The following ADAMTS18 variants were observed in gnomAD, a reference collection of about 807,000 sequenced individuals.
ADAMTS18 encodes A disintegrin and metalloproteinase with thrombospondin motifs 18.
Under a neutral mutation model 165.9 loss-of-function variants are expected in ADAMTS18, and 157 were observed. The observed-to-expected ratio is 0.95, with a 90% CI of 0.83 to 1.08. The LOEUF (loss-of-function observed/expected upper bound fraction) is 1.08. Among genes scored for constraint, ADAMTS18 ranks in the 50% least tolerant of loss-of-function variants. The pLI is 0.00. For missense variants in ADAMTS18, 2,040 were observed against 1,534.0 expected, an observed-to-expected ratio of 1.33 and a Z score of -5.51; for synonymous variants, 782 against 578.2, an observed-to-expected ratio of 1.35 and a Z score of -5.06.
intron 3 of ADAMTS18, among the ~76,000 whole-genome samples, chr16:77,398,341 A>G (rs959468027): frequency 2.6e-5 from 4 of 151,952 alleles, no homozygotes; most frequent in African/African-American, 9.7e-5. Context: ...CAACAACAAC[A>G]ACAACAAAAA....
chr16:77,377,330 G>C (rs868261145), intron 3 of ADAMTS18, among the ~76,000 whole-genome samples: 8 of 152,190 alleles, frequency 5.3e-5, no homozygotes, highest in Admixed American at 1.3e-4. Flanking sequence ...TAATAGTTCA[G>C]TGTGAAGAGC....
rs368678617 is a variant in ADAMTS18, at chr16:77,353,720, C to G, written c.1614+13G>C. 17 of 1,614,060 alleles carry G rather than the reference C, an allele frequency of 1.1e-5. No individual in the cohort carries two copies. Among genetic ancestry groups the G allele is most frequent in the Non-Finnish European group, 1.3e-5 (15 of 1,180,028 alleles). ...GAGTCTTAATGTAAGTTTGAAATCA[C>G]AAGCAAACATACCTTCACAAAACCA... is the stretch of plus-strand genomic sequence containing the variant. On this transcript the variant is annotated intron_variant, in intron 10 of 22. Transcript: ENST00000282849.
Position 77,431,376 on chromosome 16 carries a change from G to A in ADAMTS18, c.414C>T (p.Pro138=), listed in dbSNP as rs748764396. Reference sequence around the variant, plus strand: ...CCTGATAGAAGCATTGCTGCACCTCGGGTTTCTGAGTCTCTGAAGCACCAT... The same window carrying A: ...CCTGATAGAAGCATTGCTGCACCTCAGGTTTCTGAGTCTCTGAAGCACCAT... ...GKDGASETQK[P]EVQQCFYQGF... Residue 138 remains proline, a synonymous_variant, in exon 3 of 23, where the codon CCC becomes CCT. Transcript: ENST00000282849. 5.6e-6 allele frequency: 9 copies of A among 1,613,948 alleles called. No individual in the cohort carries two copies. The highest frequency in any genetic ancestry group is 3.3e-5 in the South Asian group (3 of 91,070).
rs1228745904 is a variant in ADAMTS18 at position 77,434,936 on chromosome 16, CG to C, written c.-242del. 13 of 363,964 alleles carry C rather than the reference CG, an allele frequency of 3.6e-5. No individual in the cohort carries two copies. Among genetic ancestry groups the C allele is most frequent in the Non-Finnish European group, 6.3e-5 (13 of 205,648 alleles). The allele number at this position is 363,964 out of a possible 1,614,324, so 22.5% of individuals were successfully genotyped here. ...GCAGTTTGCGGCACCCCAGAGGGTA[CG>C]GGGGGCTCCCTGGGCCGGGACTGGA... On this transcript the variant is annotated 5_prime_UTR_variant, in exon 1 of 23. Transcript: ENST00000282849.
intron 3 of ADAMTS18, among the ~76,000 whole-genome samples, chr16:77,410,645 A>G (rs1291499616): frequency 6.6e-6 from 1 of 152,130 alleles, no homozygotes; most frequent in Non-Finnish European, 1.5e-5. Flanking sequence ...CGACCCCCCT[A>G]CCATCTTGGC....
intron 3 of ADAMTS18, among the ~76,000 whole-genome samples, chr16:77,407,715 G>T (rs372396759): frequency 2.6e-5 from 4 of 152,130 alleles, no homozygotes; most frequent in African/African-American, 9.6e-5. Flanking sequence ...ATAAAATGCT[G>T]TATCAGGTGA....
At position 77,325,987 on chromosome 16, in the gene ADAMTS18, C is replaced by T. The variant is rs1307285600; in HGVS notation, c.1911G>A (p.Leu637=). The change falls in exon 13 of 23, where the codon CTG becomes CTA. Residue 637 remains leucine, a synonymous_variant. Coordinates refer to ENST00000282849, the MANE Select transcript of ADAMTS18 (RefSeq NM_199355.4). ...FCPGSSRIYQ[L]CNINPCNENS... is the part of the protein sequence containing the mutation. Reference sequence around the variant, plus strand: ...TTTCATTGCAAGGGTTAATATTGCACAGCTGATAAATACGGCTAGAACCTG... The same window carrying T: ...TTTCATTGCAAGGGTTAATATTGCATAGCTGATAAATACGGCTAGAACCTG... The T allele has an allele frequency of 1.2e-6, 2 of 1,613,876 alleles. No individual in the cohort carries two copies. Among genetic ancestry groups the T allele is most frequent in the African/African-American group, 1.3e-5 (1 of 74,896 alleles).
chr16:77,311,977 T>G (rs1404574486), intron 16 of ADAMTS18, among the ~76,000 whole-genome samples: 3 of 152,210 alleles, frequency 2.0e-5, no homozygotes, highest in African/African-American at 7.2e-5. Context: ...GCTGTAGTTC[T>G]TATTCTTTTA....
At chr16:77,302,874 C>A (rs1294454182) in intron 16 of ADAMTS18, among the ~76,000 whole-genome samples, 1 of 151,228 alleles carries the variant, frequency 6.6e-6, no homozygotes, top group Non-Finnish European at 1.5e-5. Context: ...AGGATGTGTT[C>A]AAGAAAAAAA....
At chr16:77,432,830 T>C (rs2057754676) in intron 2 of ADAMTS18, among the ~76,000 whole-genome samples, 1 of 151,664 alleles carries the variant, frequency 6.6e-6, no homozygotes, top group Non-Finnish European at 1.5e-5. Flanking sequence ...CAATGAGTGA[T>C]GGCCTAATTA....
chr16:77,430,366 T>C lies in ADAMTS18; in HGVS notation c.495+929A>G, dbSNP rs2057724143. ...GAAAAAATTAAAAAGTAACTGAAAG[T>C]TTCAACTAACAAAGAACATGGGAGT... is the stretch of plus-strand genomic sequence containing the variant. On this transcript the variant is annotated intron_variant, in intron 3 of 22. Transcript: ENST00000282849. Among the ~76,000 whole-genome samples the C allele has an allele frequency of 2.0e-5, 3 of 152,240 alleles. No individual in the cohort carries two copies. In the South Asian group the frequency reaches 6.2e-4, roughly 32 times the overall value.
At chr16:77,317,206 C>G (rs143659024) in intron 16 of ADAMTS18, among the ~76,000 whole-genome samples, 409 of 152,290 alleles carry the variant, frequency 2.7e-3, no homozygotes, top group African/African-American at 9.1e-3. Context: ...GTACTGTACC[C>G]TCCAACACTC....
chr16:77,353,685 A>T, intron 10 of ADAMTS18, 48 bp downstream of exon 10: 1 of 1,613,478 alleles, frequency 6.2e-7, no homozygotes, highest in Non-Finnish European at 8.5e-7. Flanking sequence ...AGGGACACAG[A>T]CACATTGCAG....
At chr16:77,414,204 A>T (rs1201813143) in intron 3 of ADAMTS18, among the ~76,000 whole-genome samples, 2 of 152,238 alleles carry the variant, frequency 1.3e-5, no homozygotes, top group Non-Finnish European at 2.9e-5. Flanking sequence ...TTTGAAGGAC[A>T]AACAATTTTA....
chr16:77,430,547 C>G (rs1219437092), intron 3 of ADAMTS18, among the ~76,000 whole-genome samples: 3 of 152,232 alleles, frequency 2.0e-5, no homozygotes. Context: ...ACAAACTCTT[C>G]TGTCAATTCA....
At chr16:77,412,900 T>C (rs1265487205) in intron 3 of ADAMTS18, among the ~76,000 whole-genome samples, 1 of 152,094 alleles carries the variant, frequency 6.6e-6, no homozygotes, top group Admixed American at 6.5e-5. Context: ...TCTCACTATG[T>C]TGCCCAGGCT....
intron 3 of ADAMTS18, among the ~76,000 whole-genome samples, chr16:77,409,924 T>G (rs1022825877): frequency 1.3e-5 from 2 of 152,160 alleles, no homozygotes; most frequent in African/African-American, 4.8e-5. Flanking sequence ...AATATTACCG[T>G]ACTAGAATTC....
intron 2 of ADAMTS18, 82 bp from the exon 3 acceptor site, chr16:77,431,693 A>G (rs1417923860): frequency 7.1e-7 from 1 of 1,401,538 alleles, no homozygotes; most frequent in Non-Finnish European, 1.0e-6. Context: ...GCAAAGAGCA[A>G]CACAAAGCTC....
At chr16:77,375,493 T>A (rs2056936635) in intron 3 of ADAMTS18, among the ~76,000 whole-genome samples, 1 of 152,160 alleles carries the variant, frequency 6.6e-6, no homozygotes, top group Non-Finnish European at 1.5e-5. Flanking sequence ...CGGAACACTT[T>A]TCTGAGGAGG....
Sources: allele counts gnomAD v4.1 joint callset (sites outside exome capture counted in the v4.1 genomes callset), GRCh38; gene constraint gnomAD v4.1.1; transcripts MANE v1.5; gene names NCBI Gene and HGNC (gene_info 2026-07-23, HGNC 2026-07-21).